Variants in EXOC6B observed in about 807,000 individuals in gnomAD.
EXOC6B encodes SEC15 homolog B.
A neutral mutation model predicts 113.5 loss-of-function variants in EXOC6B; 54 were observed. That is an observed-to-expected ratio of 0.48 (90% CI 0.38 to 0.60). The LOEUF is 0.60. Among genes scored for constraint, EXOC6B ranks in the 20% least tolerant of loss-of-function variants. The pLI is 0.00. For missense variants in EXOC6B, 797 were observed against 977.5 expected (o/e 0.82, Z 2.46); for synonymous variants, 357 against 339.0 (o/e 1.05, Z -0.58).
At chr2:72,732,466 T>C (rs1478486010) in intron 3 of EXOC6B, among the ~76,000 whole-genome samples, 2 of 152,134 alleles carry the variant, frequency 1.3e-5, no homozygotes, top group African/African-American at 4.8e-5. Context: ...CTGTGCCTGG[T>C]TGATTAATCT....
intron 20 of EXOC6B, among the ~76,000 whole-genome samples, chr2:72,264,401 T>A (rs1683921376): frequency 1.3e-5 from 2 of 151,904 alleles, no homozygotes; most frequent in Admixed American, 1.3e-4. Flanking sequence ...TGAAACCCCG[T>A]CTCTACAAAA....
chr2:72,708,215 T>G (rs569869081), intron 6 of EXOC6B, among the ~76,000 whole-genome samples: 2 of 152,108 alleles, frequency 1.3e-5, no homozygotes, highest in South Asian at 4.2e-4. Context: ...GGCAAACATA[T>G]AAACAATAGA....
chr2:72,184,429 G>A (rs904619647), intron 20 of EXOC6B, among the ~76,000 whole-genome samples: 2 of 152,222 alleles, frequency 1.3e-5, no homozygotes, highest in Non-Finnish European at 2.9e-5. Context: ...CTATATGCCA[G>A]CAGTCAGCTC....
chr2:72,544,348 G>GT (rs548679227), intron 8 of EXOC6B, among the ~76,000 whole-genome samples: 132 of 151,140 alleles, frequency 8.7e-4, no homozygotes, highest in African/African-American at 2.4e-3. Flanking sequence ...AAAGCTCCAT[G>GT]TTTTTTTTTC....
rs193053088 is a variant in EXOC6B at position 72,635,031 on chromosome 2, T to A, written c.670-59363A>T. Among the ~76,000 whole-genome samples the A allele has an allele frequency of 2.0e-5, 3 of 150,444 alleles. No individual in the cohort carries two copies. In the East Asian group the frequency reaches 5.9e-4, roughly 29 times the overall value. ...ACATAGAACTGAATGAAAGTGAAAA[T>A]AAACCAAACCAAAATTAGTAGGATA... On this transcript the variant is annotated intron_variant, in intron 6 of 21. Coordinates refer to ENST00000272427, the MANE Select transcript of EXOC6B (RefSeq NM_015189.3).
intron 11 of EXOC6B, among the ~76,000 whole-genome samples, chr2:72,511,706 A>G (rs1273900224): frequency 1.3e-5 from 2 of 152,154 alleles, no homozygotes; most frequent in Non-Finnish European, 2.9e-5. Context: ...AAGGTCAAGT[A>G]GATTCTAAAT....
chr2:72,343,917 T>C (rs1689171169), intron 19 of EXOC6B, among the ~76,000 whole-genome samples: 1 of 152,182 alleles, frequency 6.6e-6, no homozygotes, highest in South Asian at 2.1e-4. Context: ...AAGAGTCTTG[T>C]AAGATCCTTC....
In EXOC6B at chr2:72,800,575, ACAT is replaced by A. The variant is rs1685222420; in HGVS notation, c.113+25220_113+25222del. Among the ~76,000 whole-genome samples, 3 of 152,206 alleles carry A rather than the reference ACAT, an allele frequency of 2.0e-5. No individual in the cohort carries two copies. The South Asian group carries it at 6.2e-4, about 32-fold the overall frequency. On this transcript the variant is annotated intron_variant, in intron 1 of 21. Coordinates refer to ENST00000272427, the MANE Select transcript of EXOC6B (RefSeq NM_015189.3). ...AATAAAAGCGCTGACTACAAGATAG[ACAT>A]CATTTCTCACAACAGCCTTGTAAGA...
At chr2:72,716,445 G>T (rs1573677372) in intron 6 of EXOC6B, among the ~76,000 whole-genome samples, 2 of 152,006 alleles carry the variant, frequency 1.3e-5, no homozygotes, top group African/African-American at 4.8e-5. Context: ...TACTACAAAA[G>T]ATTTTTTAAT....
At chr2:72,784,952 T>C (rs1262974305) in intron 1 of EXOC6B, among the ~76,000 whole-genome samples, 3 of 152,158 alleles carry the variant, frequency 2.0e-5, no homozygotes, top group African/African-American at 7.2e-5. Flanking sequence ...TATGAGCCTG[T>C]AAAATCAAAA....
chr2:72,671,781 AAGAAAGAAAGAAAG>A (rs1291012927), intron 6 of EXOC6B, among the ~76,000 whole-genome samples: 6 of 123,958 alleles, frequency 4.8e-5, no homozygotes, highest in African/African-American at 2.0e-4. Context: ...GAAAGAAAGA[AAGAAAGAAAGAAAG>A]AAAGAAAGAA....
intron 8 of EXOC6B, among the ~76,000 whole-genome samples, chr2:72,532,817 C>A (rs1026170995): frequency 6.6e-6 from 1 of 150,976 alleles, no homozygotes; most frequent in East Asian, 1.9e-4. Flanking sequence ...CAAACAACAA[C>A]GACAAAAAAC....
chr2:72,673,769 T>A (rs1676085311), intron 6 of EXOC6B, among the ~76,000 whole-genome samples: 1 of 149,722 alleles, frequency 6.7e-6, no homozygotes, highest in African/African-American at 2.4e-5. Flanking sequence ...ATTTTTTATT[T>A]TATTTTTTTA....
chr2:72,217,562 T>C (rs1680617325), intron 20 of EXOC6B, among the ~76,000 whole-genome samples: 1 of 152,198 alleles, frequency 6.6e-6, no homozygotes, highest in African/African-American at 2.4e-5. Context: ...ATTGGGGAGT[T>C]TCTGGTCTAA....
intron 20 of EXOC6B, among the ~76,000 whole-genome samples, chr2:72,196,070 T>C (rs115796931): frequency 1.3e-5 from 2 of 152,208 alleles, no homozygotes; most frequent in African/African-American, 4.8e-5. Context: ...TACACACAAC[T>C]ATATTAGGGG....
intron 19 of EXOC6B, among the ~76,000 whole-genome samples, chr2:72,342,007 A>C (rs1230431578): frequency 6.6e-6 from 1 of 152,124 alleles, no homozygotes; most frequent in Non-Finnish European, 1.5e-5. Flanking sequence ...GGGTCAAATA[A>C]ATTAAAAAGG....
intron 3 of EXOC6B, 47 bp from the exon 4 acceptor site, chr2:72,731,292 A>G: frequency 3.5e-6 from 5 of 1,441,186 alleles, no homozygotes; most frequent in Non-Finnish European, 4.8e-6. Context: ...GCTGTAAATA[A>G]AAAGCTTTCA....
intron 6 of EXOC6B, among the ~76,000 whole-genome samples, chr2:72,584,319 A>T (rs1251973701): frequency 6.6e-6 from 1 of 152,144 alleles, no homozygotes; most frequent in East Asian, 1.9e-4. Context: ...GCCTACTCAT[A>T]GGCACAAATA....
chr2:72,335,568 A>G (rs1359837468), intron 19 of EXOC6B, among the ~76,000 whole-genome samples: 2 of 150,720 alleles, frequency 1.3e-5, no homozygotes, highest in African/African-American at 2.4e-5. Flanking sequence ...ACACACACAC[A>G]CACACACACA....
Sources: gnomAD v4.1 joint callset for allele counts (sites outside exome capture counted in the v4.1 genomes callset) on GRCh38, gnomAD v4.1.1 for gene constraint, MANE v1.5 for transcripts, NCBI Gene and HGNC (gene_info 2026-07-23, HGNC 2026-07-21) for gene names.